SEMA6D: variants seen among roughly 807,000 people sequenced by gnomAD.
SEMA6D encodes semaphorin-6D.
A neutral mutation model predicts 106.6 loss-of-function variants in SEMA6D; 35 were observed. The observed-to-expected ratio is 0.33, with a 90% CI of 0.25 to 0.44. The LOEUF (loss-of-function observed/expected upper bound fraction) is 0.44. Ranked by LOEUF, SEMA6D falls within the 20% of genes least tolerant of loss-of-function variation. SEMA6D has a pLI of 1.00. For synonymous variants in SEMA6D, 499 were observed against 487.7 expected, an observed-to-expected ratio of 1.02 and a Z score of -0.31; for missense variants, 1,185 against 1,345.9, an observed-to-expected ratio of 0.88 and a Z score of 1.87.
At chr15:47,211,084 G>A (rs552605787) in intron 1 of SEMA6D, among the ~76,000 whole-genome samples, 26 of 152,142 alleles carry the variant, frequency 1.7e-4, no homozygotes, top group African/African-American at 6.0e-4. Context: ...AGAGGTAACT[G>A]CTACTAACAG....
intron 1 of SEMA6D, among the ~76,000 whole-genome samples, chr15:47,344,411 G>T (rs2037957324): frequency 6.6e-6 from 1 of 152,158 alleles, no homozygotes; most frequent in African/African-American, 2.4e-5. Flanking sequence ...TGTATGTCAA[G>T]TAGTGAAGGA....
At position 47,764,157 on chromosome 15, in the gene SEMA6D, A is replaced by G; in HGVS notation, c.966-17A>G. 1 of 1,612,874 alleles carries G rather than the reference A, an allele frequency of 6.2e-7. No individual in the cohort carries two copies. The highest frequency in any genetic ancestry group is 1.3e-5 in the African/African-American group (1 of 74,866). ...TCATGTCGCCAGCCTCTTCCTGATG[A>G]TTTTCTTCCTTTTCAGCATCCCTGG... On this transcript the variant is annotated splice_polypyrimidine_tract_variant and intron_variant, in intron 10 of 18. Coordinates refer to ENST00000536845, the MANE Select transcript of SEMA6D (RefSeq NM_001358351.3).
At chr15:47,569,174 A>C (rs1421849571) in intron 3 of SEMA6D, among the ~76,000 whole-genome samples, 1 of 152,112 alleles carries the variant, frequency 6.6e-6, no homozygotes, top group Non-Finnish European at 1.5e-5. Context: ...ATACCTTTTC[A>C]CCTGTTACAT....
At chr15:47,357,494 T>C (rs143524192) in intron 1 of SEMA6D, among the ~76,000 whole-genome samples, 159 of 152,268 alleles carry the variant, frequency 1.0e-3, no homozygotes, top group African/African-American at 2.7e-3. Flanking sequence ...ATAGGTTGTC[T>C]GCAGGCTGAG....
intron 2 of SEMA6D, among the ~76,000 whole-genome samples, chr15:47,443,078 A>G (rs778605571): frequency 1.4e-4 from 22 of 152,138 alleles, no homozygotes; most frequent in Non-Finnish European, 2.6e-4. Context: ...GGGCAGGAAA[A>G]TGCATTCCAA....
intron 1 of SEMA6D, among the ~76,000 whole-genome samples, chr15:47,411,639 T>A (rs1436985586): frequency 6.6e-6 from 1 of 152,164 alleles, no homozygotes; most frequent in African/African-American, 2.4e-5. Context: ...TTTCTGAAAC[T>A]AAGGTTTCTC....
At chr15:47,403,570 G>A (rs1024662201) in intron 1 of SEMA6D, among the ~76,000 whole-genome samples, 1 of 152,176 alleles carries the variant, frequency 6.6e-6, no homozygotes, top group Non-Finnish European at 1.5e-5. Context: ...TTGCAACAGA[G>A]TGTGATGAAT....
chr15:47,233,193 A>G (rs1170806147), intron 1 of SEMA6D, among the ~76,000 whole-genome samples: 3 of 151,980 alleles, frequency 2.0e-5, no homozygotes, highest in African/African-American at 7.2e-5. Flanking sequence ...CATTTGTTGA[A>G]AAGACTATTC....
In SEMA6D at chr15:47,703,948, G is replaced by C. The variant is rs117155577; in HGVS notation, c.-54-55797G>C. Among the ~76,000 whole-genome samples, 838 of 152,204 alleles carry C rather than the reference G, an allele frequency of 5.5e-3. 7 individuals are homozygous for C. The highest frequency in any genetic ancestry group is 0.018 in the Admixed American group (268 of 15,286). ...CAAAACCTTTTCACAGTACATGGGGGTGTGTAAAAGAAAGAAAATTATCTG... is the reference window on the plus strand; with the variant it reads ...CAAAACCTTTTCACAGTACATGGGGCTGTGTAAAAGAAAGAAAATTATCTG... On this transcript the variant is annotated intron_variant, in intron 4 of 19. Coordinates refer to the SEMA6D transcript ENST00000558014.
chr15:47,608,337 T>A (rs1231278678), intron 4 of SEMA6D, among the ~76,000 whole-genome samples: 1 of 152,222 alleles, frequency 6.6e-6, no homozygotes, highest in East Asian at 1.9e-4. Context: ...AAAACTGGAC[T>A]AATTACATCT....
chr15:47,199,803 T>C (rs1894603507), intron 1 of SEMA6D, among the ~76,000 whole-genome samples: 1 of 152,184 alleles, frequency 6.6e-6, no homozygotes, highest in Non-Finnish European at 1.5e-5. Context: ...TATGTGTGTG[T>C]GTGTGAACTG....
At chr15:47,638,347 A>G (rs1421343445) in intron 4 of SEMA6D, among the ~76,000 whole-genome samples, 1 of 152,218 alleles carries the variant, frequency 6.6e-6, no homozygotes, top group Non-Finnish European at 1.5e-5. Flanking sequence ...TCCAATGACA[A>G]GCACGGTAAA....
chr15:47,698,034 T>C (rs900739997), intron 4 of SEMA6D, among the ~76,000 whole-genome samples: 4 of 152,198 alleles, frequency 2.6e-5, no homozygotes, highest in African/African-American at 7.2e-5. Context: ...ATCCATTCAA[T>C]TTTTTTATTC....
intron 3 of SEMA6D, among the ~76,000 whole-genome samples, chr15:47,493,105 T>G (rs2141463164): frequency 6.6e-6 from 1 of 152,270 alleles, no homozygotes; most frequent in East Asian, 1.9e-4. Flanking sequence ...GAGTAAGAAT[T>G]GACCACAACA....
At chr15:47,714,387 A>G (rs2079073077), upstream of SEMA6D, among the ~76,000 whole-genome samples, 2 of 152,336 alleles carry the variant, frequency 1.3e-5, no homozygotes, top group African/African-American at 2.4e-5. Context: ...GCAAGTTAAT[A>G]TTTGTAAAAT....
At chr15:47,352,053 T>G (rs1482178500) in intron 1 of SEMA6D, among the ~76,000 whole-genome samples, 3 of 152,160 alleles carry the variant, frequency 2.0e-5, no homozygotes, top group Admixed American at 6.5e-5. Flanking sequence ...TTCACAGTCA[T>G]CGTATATTGC....
intron 3 of SEMA6D, among the ~76,000 whole-genome samples, chr15:47,585,850 A>G (rs1358211614): frequency 6.6e-6 from 1 of 152,232 alleles, no homozygotes; most frequent in Non-Finnish European, 1.5e-5. Flanking sequence ...AGAAAAGTTT[A>G]GAAACTTGCT....
chr15:47,354,188 TCTC>T (rs1172010541), intron 1 of SEMA6D, among the ~76,000 whole-genome samples: 1 of 24,984 alleles, frequency 4.0e-5, no homozygotes, highest in African/African-American at 2.3e-4. Context: ...TCTCTCTCTC[TCTC>T]TCTCTCTCTA....
intron 1 of SEMA6D, among the ~76,000 whole-genome samples, chr15:47,217,182 T>C (rs1234568326): frequency 6.6e-6 from 1 of 152,192 alleles, no homozygotes; most frequent in African/African-American, 2.4e-5. Flanking sequence ...TATTTTGTTA[T>C]AGCAGCCCAA....
Sources: gnomAD v4.1 joint callset for allele counts (sites outside exome capture counted in the v4.1 genomes callset) on GRCh38, gnomAD v4.1.1 for gene constraint, MANE v1.5 for transcripts, NCBI Gene and HGNC (gene_info 2026-07-23, HGNC 2026-07-21) for gene names.